NCKAP5: variants seen among roughly 807,000 people sequenced by gnomAD.
NCKAP5 encodes nck-associated protein 5.
NCKAP5 carries 92 observed loss-of-function variants against 167.0 expected under a neutral mutation model. The ratio of observed to expected loss-of-function variants is 0.55; its 90% CI spans 0.47 to 0.66. The LOEUF (loss-of-function observed/expected upper bound fraction) is 0.66. Ranked by LOEUF, NCKAP5 falls within the 30% of genes least tolerant of loss-of-function variation. The pLI, the probability that NCKAP5 is intolerant of heterozygous loss-of-function variation, is 0.00. For synonymous variants in NCKAP5, 891 were observed against 877.4 expected, an observed-to-expected ratio of 1.02 and a Z score of -0.27; for missense variants, 2,378 against 2,315.0, an observed-to-expected ratio of 1.03 and a Z score of -0.56.
intron 3 of NCKAP5, among the ~76,000 whole-genome samples, chr2:133,437,954 T>C (rs149616699): frequency 0.033 from 5,043 of 152,092 alleles, 121 homozygotes; most frequent in Admixed American, 0.08. Flanking sequence ...AATATTTCAT[T>C]TGAAGAAGGG....
chr2:132,963,138 A>G (rs1390943751), intron 8 of NCKAP5, among the ~76,000 whole-genome samples: 1 of 152,244 alleles, frequency 6.6e-6, no homozygotes, highest in Non-Finnish European at 1.5e-5. Flanking sequence ...ATAATGTCGA[A>G]TGCCACGAAG....
chr2:132,799,825 G>A (rs1558796137), intron 11 of NCKAP5, among the ~76,000 whole-genome samples: 1 of 152,060 alleles, frequency 6.6e-6, no homozygotes, highest in Admixed American at 6.5e-5. Context: ...GGGTGCATGT[G>A]ATGTTTTGAT....
At chr2:133,444,197 G>A (rs73957101) in intron 3 of NCKAP5, among the ~76,000 whole-genome samples, 16,101 of 152,016 alleles carry the variant, frequency 0.11, 1,631 homozygotes, top group East Asian at 0.27. Context: ...CCCAAAAGAA[G>A]GAAGGACTGA....
At chr2:132,716,193 T>C (rs1689353683) in intron 19 of NCKAP5, among the ~76,000 whole-genome samples, 2 of 152,148 alleles carry the variant, frequency 1.3e-5, no homozygotes, top group Non-Finnish European at 2.9e-5. Context: ...TTACTCAGAT[T>C]ATGAGTAAAC....
intron 8 of NCKAP5, among the ~76,000 whole-genome samples, chr2:132,908,070 A>C (rs1240113136): frequency 1.3e-5 from 2 of 152,138 alleles, no homozygotes; most frequent in African/African-American, 2.4e-5. Flanking sequence ...ATACCTAGAC[A>C]CTTTTAACAG....
chr2:133,374,186 T>C (rs981929298), intron 3 of NCKAP5, among the ~76,000 whole-genome samples: 2 of 152,178 alleles, frequency 1.3e-5, no homozygotes, highest in African/African-American at 4.8e-5. Flanking sequence ...TACAAATAAA[T>C]GGGCTATCAA....
At chr2:132,915,631 G>A (rs969506002) in intron 8 of NCKAP5, 2 of 152,162 alleles carry the variant, frequency 1.3e-5, no homozygotes, top group African/African-American at 4.8e-5. Context: ...AGGGGCCTTC[G>A]CTAAGCTGCT....
At chr2:132,853,472 G>A (rs1369239841) in intron 11 of NCKAP5, among the ~76,000 whole-genome samples, 5 of 152,156 alleles carry the variant, frequency 3.3e-5, no homozygotes, top group Admixed American at 1.3e-4. Flanking sequence ...TGTAAAGCCA[G>A]CCACATAGTA....
At chr2:133,554,359 G>T (rs1250433366) in intron 2 of NCKAP5, 1 of 152,138 alleles carries the variant, frequency 6.6e-6, no homozygotes, top group Non-Finnish European at 1.5e-5. Context: ...TGGGGACCTG[G>T]ATCTTAGTTT....
At chr2:132,820,555 T>A (rs182715366) in intron 11 of NCKAP5, among the ~76,000 whole-genome samples, 2 of 151,380 alleles carry the variant, frequency 1.3e-5, no homozygotes, top group Admixed American at 6.6e-5. Flanking sequence ...TTGTTTTTTG[T>A]TTTTTTTAAA....
chr2:133,271,795 T>C (rs1323847160), intron 4 of NCKAP5, among the ~76,000 whole-genome samples: 1 of 152,182 alleles, frequency 6.6e-6, no homozygotes, highest in African/African-American at 2.4e-5. Context: ...TTTTCATTAA[T>C]TTTTCTGGGG....
At chr2:133,605,881 G>T in the NCKAP5 span, among the ~76,000 whole-genome samples, 109,849 of 152,044 alleles carry the variant, frequency 0.72, 41,679 homozygotes, top group Non-Finnish European at 0.84. Flanking sequence ...AAGAGGAAAA[G>T]GGGGGCAGGA....
chr2:133,320,289 G>C (rs1681937846), intron 3 of NCKAP5, among the ~76,000 whole-genome samples: 1 of 152,132 alleles, frequency 6.6e-6, no homozygotes. Context: ...TCCTGCCCCA[G>C]ACTGACAATT....
intron 8 of NCKAP5, among the ~76,000 whole-genome samples, chr2:132,907,721 G>C (rs1000045734): frequency 6.6e-6 from 1 of 151,854 alleles, no homozygotes; most frequent in Non-Finnish European, 1.5e-5. Flanking sequence ...TCAGTGGCAC[G>C]ATCTTGGCTC....
At chr2:133,629,275 T>C in the NCKAP5 span, among the ~76,000 whole-genome samples, 1 of 152,114 alleles carries the variant, frequency 6.6e-6, no homozygotes, top group Non-Finnish European at 1.5e-5. Flanking sequence ...TACAAGGAAC[T>C]TAAACAAATT....
At chr2:132,805,938 C>T (rs1558802834) in intron 11 of NCKAP5, among the ~76,000 whole-genome samples, 1 of 152,140 alleles carries the variant, frequency 6.6e-6, no homozygotes, top group Non-Finnish European at 1.5e-5. Flanking sequence ...TCCCACTCTT[C>T]CTGCCAGGTC....
the NCKAP5 span, among the ~76,000 whole-genome samples, chr2:133,616,399 T>C: frequency 1.3e-5 from 2 of 152,044 alleles, no homozygotes; most frequent in Non-Finnish European, 2.9e-5. Context: ...GTTGATAGAC[T>C]GCTAGCAAGA....
chr2:133,437,745 C>T (rs1574954781), intron 3 of NCKAP5, among the ~76,000 whole-genome samples: 1 of 152,226 alleles, frequency 6.6e-6, no homozygotes, highest in Non-Finnish European at 1.5e-5. Context: ...ACTGGGAGGA[C>T]ATTTGACTTC....
chr2:133,294,177 T>C (rs757237523), intron 4 of NCKAP5, among the ~76,000 whole-genome samples: 3 of 152,232 alleles, frequency 2.0e-5, no homozygotes, highest in Non-Finnish European at 4.4e-5. Context: ...TCATAGTTCT[T>C]ATTTTATTCA....
Sources: gnomAD v4.1 joint callset for allele counts (sites outside exome capture counted in the v4.1 genomes callset) on GRCh38, gnomAD v4.1.1 for gene constraint, MANE v1.5 for transcripts, NCBI Gene and HGNC (gene_info 2026-07-23, HGNC 2026-07-21) for gene names.